Variants in KRABD3 observed in about 807,000 individuals in gnomAD.
The protein encoded by KRABD3 is KRAB domain-containing protein 3.
chr7:149,733,470 G>C, the KRABD3 span: 10 of 1,582,438 alleles, frequency 6.3e-6, no homozygotes, highest in African/African-American at 2.7e-5. Context: ...AATCGGCTGG[G>C]GAGGCGCCCC....
chr7:149,725,138 T>G, the KRABD3 span, among the ~76,000 whole-genome samples: 1 of 152,010 alleles, frequency 6.6e-6, no homozygotes, highest in African/African-American at 2.4e-5. Flanking sequence ...GGGAGCAGGG[T>G]GGGGGGCGAG....
At chr7:149,729,474 C>T in the KRABD3 span, 71 of 1,284,598 alleles carry the variant, frequency 5.5e-5, no homozygotes, top group African/African-American at 1.1e-3. Flanking sequence ...CCCCATCTCT[C>T]ATCCTTTCCC....
the KRABD3 span, chr7:149,715,106 GC>G: frequency 8.1e-7 from 1 of 1,230,834 alleles, no homozygotes; most frequent in Admixed American, 4.2e-5. Context: ...GCGCAGTGCG[GC>G]CCCGAAGGCG....
the KRABD3 span, among the ~76,000 whole-genome samples, chr7:149,717,661 G>A: frequency 6.6e-6 from 1 of 152,110 alleles, no homozygotes; most frequent in African/African-American, 2.4e-5. Context: ...CCTCAGGCAG[G>A]CAGTCACGGG....
the KRABD3 span, chr7:149,721,060 C>T: frequency 6.5e-7 from 1 of 1,546,072 alleles, no homozygotes. Context: ...AAGTCCACGG[C>T]ACTGCACTGC....
chr7:149,728,667 A>G, the KRABD3 span: 4 of 1,613,432 alleles, frequency 2.5e-6, no homozygotes, highest in East Asian at 8.9e-5. Flanking sequence ...TGGACAGCAG[A>G]CAAGGAAGGT....
chr7:149,729,917 C>G, the KRABD3 span: 1 of 1,268,946 alleles, frequency 7.9e-7, no homozygotes, highest in Non-Finnish European at 9.9e-7. Context: ...CTGGAGACTT[C>G]CAGAAAGTTC....
At chr7:149,716,889 A>G in the KRABD3 span, among the ~76,000 whole-genome samples, 2 of 152,202 alleles carry the variant, frequency 1.3e-5, no homozygotes, top group Admixed American at 6.5e-5. Context: ...TTGTCTTCAC[A>G]ATACCTCTAT....
At chr7:149,730,124 G>A in the KRABD3 span, 13 of 1,472,964 alleles carry the variant, frequency 8.8e-6, no homozygotes, top group South Asian at 1.4e-5. Flanking sequence ...TGATGACAGA[G>A]CACTCTCTGG....
the KRABD3 span, chr7:149,720,872 G>A: frequency 1.2e-6 from 2 of 1,604,946 alleles, no homozygotes; most frequent in African/African-American, 2.7e-5. Context: ...TCACAGCCCT[G>A]GTGCAGCTGG....
the KRABD3 span, chr7:149,720,196 C>T: frequency 2.6e-6 from 4 of 1,518,570 alleles, no homozygotes; most frequent in East Asian, 4.9e-5. Context: ...CAATGCGTGA[C>T]CTCAGCCTAC....
chr7:149,730,745 G>A, the KRABD3 span: 4 of 782,828 alleles, frequency 5.1e-6, no homozygotes, highest in Non-Finnish European at 6.0e-6. Context: ...GGGCGGGGCT[G>A]CTGGGGGTGC....
At chr7:149,717,071 C>T in the KRABD3 span, among the ~76,000 whole-genome samples, 3 of 152,162 alleles carry the variant, frequency 2.0e-5, no homozygotes, top group Admixed American at 1.3e-4. Flanking sequence ...TCTCTGGGTC[C>T]GGAACCTCTT....
At chr7:149,733,912 G>A in the KRABD3 span, 6 of 1,592,550 alleles carry the variant, frequency 3.8e-6, no homozygotes, top group East Asian at 2.3e-5. Context: ...CAGACGTGCC[G>A]ACCTCAGGAG....
chr7:149,715,251 G>T, the KRABD3 span: 2,997 of 1,218,274 alleles, frequency 2.5e-3, 61 homozygotes, highest in African/African-American at 0.041. Flanking sequence ...CTCCGCCGCC[G>T]GTACCCACGG....
chr7:149,732,233 G>A, the KRABD3 span, among the ~76,000 whole-genome samples: 3 of 152,314 alleles, frequency 2.0e-5, no homozygotes, highest in East Asian at 5.8e-4. This position sits in a 1 kb window ranked among gnomAD's most constrained non-coding sequence, Gnocchi z 4.0. Flanking sequence ...GGCTCAGGGT[G>A]TTGGCTTCTG....
the KRABD3 span, among the ~76,000 whole-genome samples, chr7:149,726,685 G>A: frequency 6.6e-6 from 1 of 152,000 alleles, no homozygotes; most frequent in Admixed American, 6.6e-5. Context: ...CAATCTGCCC[G>A]CCTCAGCCTC....
the KRABD3 span, among the ~76,000 whole-genome samples, chr7:149,725,690 T>C: frequency 6.6e-6 from 1 of 152,184 alleles, no homozygotes; most frequent in African/African-American, 2.4e-5. Flanking sequence ...CTTCCTTCTC[T>C]CAGAACTCTC....
the KRABD3 span, chr7:149,724,590 A>G: frequency 3.1e-6 from 4 of 1,287,218 alleles, no homozygotes; most frequent in Non-Finnish European, 4.1e-6. Context: ...TAAAGGCCTC[A>G]AGGGATTCTC....
Sources: allele counts gnomAD v4.1 joint callset (sites outside exome capture counted in the v4.1 genomes callset), GRCh38; gene constraint gnomAD v4.1.1; non-coding constraint Gnocchi (gnomAD v3.1); transcripts MANE v1.5; gene names NCBI Gene and HGNC (gene_info 2026-07-23, HGNC 2026-07-21).